The following WWOX variants were observed in gnomAD, a reference collection of about 807,000 sequenced individuals.
The protein encoded by WWOX is WW domain containing oxidoreductase, also known as WW domain-containing oxidoreductase.
Under a neutral mutation model 46.2 loss-of-function variants are expected in WWOX, and 69 were observed. The ratio of observed to expected loss-of-function variants is 1.49; its 90% confidence interval spans 1.23 to 1.82. WWOX has a LOEUF of 1.82. Among genes scored for constraint, WWOX ranks in the 40% most tolerant of loss-of-function variants. The pLI is 0.00. For synonymous variants in WWOX, 359 were observed against 202.6 expected (o/e 1.77, Z -6.56); for missense variants, 919 against 542.6 (o/e 1.69, Z -6.89).
intron 8 of WWOX, among the ~76,000 whole-genome samples, chr16:79,114,627 T>C (rs193273191): frequency 1.7e-3 from 265 of 152,174 alleles, no homozygotes; most frequent in Middle Eastern, 6.8e-3. Context: ...ATTCAGACTC[T>C]TTGAGTTCCT....
chr16:78,099,737 G>A lies in WWOX; in HGVS notation c.-42G>A. On this transcript the variant is annotated 5_prime_UTR_variant, in exon 1 of 9. Coordinates refer to ENST00000566780, the MANE Select transcript of WWOX (RefSeq NM_016373.4). ...AGTGAGTTCCTGAGCGAGTGGACCCGGCAGCGGGCGATAGGGGGGCCAGGT... is the reference window on the plus strand; with the variant it reads ...AGTGAGTTCCTGAGCGAGTGGACCCAGCAGCGGGCGATAGGGGGGCCAGGT... 2.0e-6 allele frequency: 3 copies of A among 1,515,384 alleles called. No individual in the cohort carries two copies. The highest frequency in any genetic ancestry group is 1.3e-5 in the South Asian group (1 of 79,736). The allele number at this position is 1,515,384 out of a possible 1,614,324, so 93.9% of individuals were successfully genotyped here. A position where few individuals can be genotyped will look rare whatever the true frequency, so the allele number is the denominator to read the frequency against.
chr16:78,476,863 C>G (rs1285256647), intron 8 of WWOX, among the ~76,000 whole-genome samples: 6 of 151,938 alleles, frequency 3.9e-5, no homozygotes, highest in African/African-American at 1.5e-4. Context: ...TTTTCCTTCC[C>G]TCCCTTCCTG....
chr16:78,517,941 C>G (rs2043273487), intron 8 of WWOX, among the ~76,000 whole-genome samples: 1 of 127,768 alleles, frequency 7.8e-6, no homozygotes, highest in Non-Finnish European at 1.6e-5. Context: ...CTTTTCTTTA[C>G]TAGTGAGTGG....
At chr16:78,188,119 C>T (rs1227770375) in intron 5 of WWOX, among the ~76,000 whole-genome samples, 1 of 152,118 alleles carries the variant, frequency 6.6e-6, no homozygotes, top group Non-Finnish European at 1.5e-5. Flanking sequence ...AAATTTAGTA[C>T]TTGTCAATAT....
intron 8 of WWOX, among the ~76,000 whole-genome samples, chr16:78,946,511 A>T (rs1382022637): frequency 2.0e-5 from 3 of 152,082 alleles, no homozygotes; most frequent in African/African-American, 7.2e-5. Context: ...TCAAAGAAAT[A>T]GTCAAGAAGT....
intron 8 of WWOX, among the ~76,000 whole-genome samples, chr16:78,549,433 C>T (rs1187250867): frequency 6.6e-6 from 1 of 152,088 alleles, no homozygotes; most frequent in African/African-American, 2.4e-5. Flanking sequence ...TGTAATTCCC[C>T]CCTTTAATCT....
intron 8 of WWOX, among the ~76,000 whole-genome samples, chr16:78,887,875 T>C (rs1377193784): frequency 1.3e-5 from 2 of 152,238 alleles, no homozygotes; most frequent in Non-Finnish European, 2.9e-5. Flanking sequence ...CTGGTGTTCA[T>C]TGAAAATCCT....
At chr16:78,976,690 A>G (rs1174965393) in intron 8 of WWOX, among the ~76,000 whole-genome samples, 1 of 152,218 alleles carries the variant, frequency 6.6e-6, no homozygotes, top group Non-Finnish European at 1.5e-5. Context: ...CAAAGAGAAA[A>G]TGCCTGAGAC....
At chr16:78,742,984 C>G (rs115487848) in intron 8 of WWOX, among the ~76,000 whole-genome samples, 2 of 151,972 alleles carry the variant, frequency 1.3e-5, no homozygotes, top group Non-Finnish European at 2.9e-5. Flanking sequence ...GTCTCCCAAG[C>G]ACAGTACCCC....
At chr16:78,324,792 T>A (rs1419272180) in intron 5 of WWOX, among the ~76,000 whole-genome samples, 2 of 21,680 alleles carry the variant, frequency 9.2e-5, no homozygotes, top group Non-Finnish European at 1.7e-4. Context: ...GAGTTGGGGG[T>A]GGGCGGGATA....
intron 8 of WWOX, among the ~76,000 whole-genome samples, chr16:78,856,591 C>G (rs2052572432): frequency 6.6e-6 from 1 of 152,016 alleles, no homozygotes; most frequent in Admixed American, 6.6e-5. Context: ...TGCAGTGAGC[C>G]CAGATCATGC....
chr16:78,292,993 C>T lies in WWOX; in HGVS notation c.517-93867C>T, dbSNP rs943759591. Among the ~76,000 whole-genome samples the T allele has an allele frequency of 5.3e-5, 8 of 152,210 alleles. 1 individual carries two copies. Among genetic ancestry groups the T allele is most frequent in the Non-Finnish European group, 2.9e-5 (2 of 68,044 alleles). On this transcript the variant is annotated intron_variant, in intron 5 of 8. Transcript: ENST00000566780. ...CTTGTTGAACAGACTCTGGAAAAGT[C>T]ACCATTTCTTGTTGGTCCTTTGCTC...
intron 6 of WWOX, among the ~76,000 whole-genome samples, chr16:78,406,297 AATATAAATATATATATAT>A (rs1387946410): frequency 6.6e-4 from 49 of 74,076 alleles, no homozygotes; most frequent in African/African-American, 1.7e-3. Flanking sequence ...ACAGCATATA[AATATAAATATATATATAT>A]ATATATATAT....
intron 5 of WWOX, among the ~76,000 whole-genome samples, chr16:78,218,173 G>C (rs2036783091): frequency 6.6e-6 from 1 of 152,094 alleles, no homozygotes; most frequent in Non-Finnish European, 1.5e-5. Context: ...TCCTGCCTCA[G>C]CCTCCCGAGT....
chr16:78,588,986 G>A (rs1171676391), intron 8 of WWOX, among the ~76,000 whole-genome samples: 2 of 152,092 alleles, frequency 1.3e-5, no homozygotes, highest in Non-Finnish European at 2.9e-5. Flanking sequence ...CCTCTTGCTG[G>A]GAATGTGGCC....
chr16:78,753,866 A>T (rs2142461919), intron 8 of WWOX, among the ~76,000 whole-genome samples: 2 of 130,112 alleles, frequency 1.5e-5, no homozygotes, highest in East Asian at 4.7e-4. Flanking sequence ...GTATATGTAT[A>T]TGTATATATA....
At position 78,344,388 on chromosome 16, in the gene WWOX, C is replaced by G. The variant is rs181291951; in HGVS notation, c.517-42472C>G. Among the ~76,000 whole-genome samples the G allele has an allele frequency of 9.9e-5, 12 of 121,300 alleles. 3 individuals are homozygous for G. Among genetic ancestry groups the G allele is most frequent in the Admixed American group, 8.0e-5 (1 of 12,518 alleles). The allele number at this position is 121,300 out of a possible 152,430, so 79.6% of individuals were successfully genotyped here. On this transcript the variant is annotated intron_variant, in intron 5 of 8. Coordinates refer to ENST00000566780, the MANE Select transcript of WWOX (RefSeq NM_016373.4). ...GCTTAAATAAATAGGCCATATAAAT[C>G]TAGCTCCCAATGTCCATTTTCAAAT... is the stretch of plus-strand genomic sequence containing the variant.
chr16:78,530,073 G>A (rs576862854), intron 8 of WWOX, among the ~76,000 whole-genome samples: 1 of 152,244 alleles, frequency 6.6e-6, no homozygotes, highest in African/African-American at 2.4e-5. Flanking sequence ...ACCCCTTCTG[G>A]GAGGAAGCAT....
At chr16:78,118,030 TTTCTTTCTTTCTTTC>T (rs1416375063) in intron 4 of WWOX, among the ~76,000 whole-genome samples, 1 of 146,428 alleles carries the variant, frequency 6.8e-6, no homozygotes, top group Non-Finnish European at 1.5e-5. Context: ...TGGTTCTTTC[TTTCTTTCTTTCTTTC>T]TTTTTTTTTT....
Sources: allele counts gnomAD v4.1 joint callset (sites outside exome capture counted in the v4.1 genomes callset), GRCh38; gene constraint gnomAD v4.1.1; transcripts MANE v1.5; gene names NCBI Gene and HGNC (gene_info 2026-07-23, HGNC 2026-07-21).